Variants in ELFN2 observed in about 807,000 individuals in gnomAD.
The protein encoded by ELFN2 is extracellular leucine rich repeat and fibronectin type III domain containing 2, also known as protein phosphatase 1 regulatory subunit 29.
ELFN2 carries 17 observed loss-of-function variants against 45.5 expected under a neutral mutation model. The ratio of observed to expected loss-of-function variants is 0.37; its 90% CI spans 0.26 to 0.56. The LOEUF (loss-of-function observed/expected upper bound fraction) is 0.56. ELFN2 is among the 20% of genes least tolerant of loss of function. The pLI is 0.77. For synonymous variants in ELFN2, 550 were observed against 551.5 expected (o/e 1.00, Z 0.04); for missense variants, 922 against 1,183.2 (o/e 0.78, Z 3.24).
At chr22:37,402,415 C>T (rs1932385995) in intron 2 of ELFN2, among the ~76,000 whole-genome samples, 1 of 152,244 alleles carries the variant, frequency 6.6e-6, no homozygotes, top group Non-Finnish European at 1.5e-5. Context: ...TTGCCCTACA[C>T]AGACCAGACG....
intron 2 of ELFN2, among the ~76,000 whole-genome samples, chr22:37,402,018 G>C (rs1381432695): frequency 6.6e-6 from 1 of 152,148 alleles, no homozygotes; most frequent in African/African-American, 2.4e-5. Flanking sequence ...AGTGAGCCCT[G>C]CTCCCTCCTC....
intron 1 of ELFN2, among the ~76,000 whole-genome samples, chr22:37,423,252 G>A (rs1296781826): frequency 6.6e-6 from 1 of 152,158 alleles, no homozygotes; most frequent in Non-Finnish European, 1.5e-5. Context: ...TGAGATGCAG[G>A]CACCACCCAC....
intron 2 of ELFN2, among the ~76,000 whole-genome samples, chr22:37,407,962 A>G (rs535339414): frequency 2.0e-4 from 30 of 152,076 alleles, no homozygotes; most frequent in Non-Finnish European, 3.4e-4. Context: ...CAACTCATGG[A>G]GGACCTCAGA....
intron 1 of ELFN2, among the ~76,000 whole-genome samples, chr22:37,426,615 A>ACACACACACTGGCACGCGCTCG (rs1569146900): frequency 7.6e-6 from 1 of 132,104 alleles, no homozygotes; most frequent in Non-Finnish European, 1.6e-5. Context: ...ACGCACGCAC[A>ACACACACACTGGCACGCGCTCG]CACACACACT....
In ELFN2 at chr22:37,393,563, A is replaced by C. The variant is rs1932136253; in HGVS notation, c.-462-17567T>G. On this transcript the variant is annotated intron_variant, in intron 2 of 2. Transcript: ENST00000402918. ...AACAGTAATAATAACAGCACCCAGC[A>C]CTTCCTGAGCCTGGACCACGCCCCA... is the stretch of plus-strand genomic sequence containing the variant. 1.3e-5 allele frequency among the ~76,000 whole-genome samples: 2 copies of C among 152,182 alleles called. 1 individual carries two copies. The highest frequency in any genetic ancestry group is 4.1e-4 in the South Asian group (2 of 4,826).
chr22:37,353,437 C>A (rs971281412), intron 1 of ELFN2: 2 of 151,070 alleles, frequency 1.3e-5, no homozygotes, highest in African/African-American at 4.8e-5. Context: ...AAAAGCCACC[C>A]TTCTATTACC....
chr22:37,369,155 G>C lies in ELFN2; in HGVS notation c.*3917C>G, dbSNP rs1425251537. 1 of 152,020 alleles carries C rather than the reference G, an allele frequency of 6.6e-6. No homozygotes were observed. The highest frequency in any genetic ancestry group is 1.5e-5 in the Non-Finnish European group (1 of 68,028). The allele number at this position is 152,020 out of a possible 1,614,324, so 9.4% of individuals were successfully genotyped here. Reference sequence around the variant, plus strand: ...GTCACAACCGAGTTTGTCAGCTCTAGGTCTCCTTTCCTCTCCTTTCCGTCT... The same window carrying C: ...GTCACAACCGAGTTTGTCAGCTCTACGTCTCCTTTCCTCTCCTTTCCGTCT... On this transcript the variant is annotated 3_prime_UTR_variant, in exon 3 of 3. Coordinates refer to ENST00000402918, the MANE Select transcript of ELFN2 (RefSeq NM_052906.5).
intron 2 of ELFN2, among the ~76,000 whole-genome samples, chr22:37,398,190 G>A (rs561803882): frequency 3.9e-5 from 6 of 152,258 alleles, no homozygotes; most frequent in South Asian, 2.1e-4. Flanking sequence ...GTGGGCGGTG[G>A]AGCTAGCGCT....
chr22:37,380,996 G>T (rs1931746390), intron 2 of ELFN2, among the ~76,000 whole-genome samples: 1 of 152,128 alleles, frequency 6.6e-6, no homozygotes, highest in African/African-American at 2.4e-5. Flanking sequence ...CCAGCACAAT[G>T]AGCCCTTACT....
At chr22:37,415,832 C>G (rs1167631792) in intron 2 of ELFN2, among the ~76,000 whole-genome samples, 8 of 152,122 alleles carry the variant, frequency 5.3e-5, no homozygotes, top group Admixed American at 3.3e-4. Flanking sequence ...CGTGGTGGCA[C>G]GCGCCTATAG....
intron 2 of ELFN2, among the ~76,000 whole-genome samples, chr22:37,400,010 G>A (rs1310601960): frequency 6.6e-6 from 1 of 152,190 alleles, no homozygotes; most frequent in Non-Finnish European, 1.5e-5. Context: ...AAGCCAGGCT[G>A]CTGCAGGGTG....
intron 2 of ELFN2, among the ~76,000 whole-genome samples, chr22:37,403,190 C>A (rs9610738): frequency 6.9e-6 from 1 of 144,034 alleles, no homozygotes. Flanking sequence ...CCCCTCCCCC[C>A]ACCCCCAGGC....
chr22:37,361,235 C>A (rs1339213415), intron 1 of ELFN2, among the ~76,000 whole-genome samples: 1 of 152,156 alleles, frequency 6.6e-6, no homozygotes, highest in Non-Finnish European at 1.5e-5. Context: ...CCATGAGATG[C>A]TGCTGAGCAG....
chr22:37,393,313 T>C (rs1490265999), intron 2 of ELFN2, among the ~76,000 whole-genome samples: 1 of 152,224 alleles, frequency 6.6e-6, no homozygotes, highest in African/African-American at 2.4e-5. Flanking sequence ...GAGGTTTCCT[T>C]ATGCTCCCCC....
chr22:37,363,281 G>T (rs1931129667), downstream of ELFN2, among the ~76,000 whole-genome samples: 1 of 152,084 alleles, frequency 6.6e-6, no homozygotes, highest in South Asian at 2.1e-4. Context: ...CACAGCCATG[G>T]TGCTTAACAT....
intron 1 of ELFN2, among the ~76,000 whole-genome samples, chr22:37,356,383 G>A (rs1437628471): frequency 6.6e-6 from 1 of 152,164 alleles, no homozygotes; most frequent in Non-Finnish European, 1.5e-5. Context: ...ACAGGATGGG[G>A]CATATGCGCC....
At position 37,350,285 on chromosome 22, in the gene ELFN2, A is replaced by G. The variant is rs958208662; in HGVS notation, n.149-7582T>C. Among the ~76,000 whole-genome samples, 3 of 150,964 alleles carry G rather than the reference A, an allele frequency of 2.0e-5. No individual in the cohort carries two copies. The South Asian group carries it at 6.3e-4, about 31-fold the overall frequency. On this transcript the variant is annotated intron_variant and non_coding_transcript_variant, in intron 1 of 2. Transcript: ENST00000452946. ...GCAAGAACGGGTGGGAGCCAAGGAA[A>G]TGATTCAGTTTTGTTCCTGGAGGCA...
intron 2 of ELFN2, among the ~76,000 whole-genome samples, chr22:37,393,007 G>A (rs746981021): frequency 3.3e-5 from 5 of 152,144 alleles, no homozygotes; most frequent in South Asian, 2.1e-4. Flanking sequence ...CTTCAACTTC[G>A]TTCATTATTA....
chr22:37,362,779 T>C (rs1443112310), intron 1 of ELFN2, among the ~76,000 whole-genome samples: 1 of 152,208 alleles, frequency 6.6e-6, no homozygotes, highest in Non-Finnish European at 1.5e-5. Flanking sequence ...AAACACACCC[T>C]GGTCCACACA....
Sources: allele counts gnomAD v4.1 joint callset (sites outside exome capture counted in the v4.1 genomes callset), GRCh38; gene constraint gnomAD v4.1.1; transcripts MANE v1.5; gene names NCBI Gene and HGNC (gene_info 2026-07-23, HGNC 2026-07-21).